Variants in COPE observed in about 807,000 individuals in gnomAD.
The protein encoded by COPE is coatomer subunit epsilon.
Under a neutral mutation model 42.1 loss-of-function variants are expected in COPE, and 19 were observed. That is an observed-to-expected ratio of 0.45 (90% CI 0.31 to 0.66). The LOEUF (loss-of-function observed/expected upper bound fraction) is 0.66. Ranked by LOEUF, COPE falls within the 30% of genes least tolerant of loss-of-function variation. COPE has a pLI of 0.05. For missense variants in COPE, 402 were observed against 416.1 expected, an observed-to-expected ratio of 0.97 and a Z score of 0.30; for synonymous variants, 195 against 181.3, an observed-to-expected ratio of 1.08 and a Z score of -0.60.
intron 7 of COPE, among the ~76,000 whole-genome samples, chr19:18,902,390 C>T (rs934173873): frequency 2.4e-4 from 36 of 151,234 alleles, no homozygotes; most frequent in African/African-American, 4.6e-4. Context: ...GATGGCCAGG[C>T]GTGGTGGCTC....
At chr19:18,904,273 C>T (rs1397129880) in intron 6 of COPE, among the ~76,000 whole-genome samples, 3 of 152,226 alleles carry the variant, frequency 2.0e-5, no homozygotes, top group Non-Finnish European at 2.9e-5. Context: ...CCAGGAAGCA[C>T]ATTTTAATAG....
At chr19:18,915,001 C>T (rs550136191) in intron 1 of COPE, among the ~76,000 whole-genome samples, 7 of 151,990 alleles carry the variant, frequency 4.6e-5, no homozygotes, top group Non-Finnish European at 1.0e-4. Context: ...GCTGGGATTA[C>T]AGGCATGAGC....
chr19:18,911,235 C>T (rs1036869556), intron 2 of COPE, 164 bp from the exon 3 acceptor site: 10 of 632,830 alleles, frequency 1.6e-5, no homozygotes, highest in African/African-American at 1.4e-4. Context: ...GGTGGCATGG[C>T]GTCACCTGTC....
At chr19:18,906,664 G>A (rs1239490950) in intron 4 of COPE, 4 of 297,174 alleles carry the variant, frequency 1.3e-5, no homozygotes, top group Admixed American at 5.2e-5. Context: ...AGAAGGCTTC[G>A]TGGGGGGTGG....
intron 7 of COPE, 152 bp from the exon 8 acceptor site, chr19:18,900,601 T>C: frequency 1.7e-6 from 1 of 602,214 alleles, no homozygotes; most frequent in Non-Finnish European, 3.0e-6. Context: ...GGTGGAGATC[T>C]CAGATGATAC....
In COPE at chr19:18,904,816, A is replaced by G. The variant is rs753371459; in HGVS notation, c.534T>C (p.Asp178=). 30 of 1,555,694 alleles carry G rather than the reference A, an allele frequency of 1.9e-5. No homozygotes were observed. The highest frequency in any genetic ancestry group is 2.6e-5 in the Non-Finnish European group (30 of 1,149,332). The change falls in exon 6 of 10, where the codon GAT becomes GAC. Residue 178 remains aspartate, a synonymous_variant. Transcript: ENST00000262812. The part of the protein sequence containing the change: ...ELKRMQDLDE[D]ATLTQLATAW... ...CAGTGGCGAGCTGGGTGAGGGTGGC[A>G]TCCTCGTCCAGGTCCTGCATTCTCT...
At chr19:18,914,491 A>C (rs2056837509) in intron 1 of COPE, among the ~76,000 whole-genome samples, 1 of 152,002 alleles carries the variant, frequency 6.6e-6, no homozygotes, top group African/African-American at 2.4e-5. Flanking sequence ...TAGTAAGCCG[A>C]GATCACGCCA....
chr19:18,918,059 G>A (rs1204730948), intron 1 of COPE, among the ~76,000 whole-genome samples: 1 of 151,540 alleles, frequency 6.6e-6, no homozygotes, highest in Admixed American at 6.6e-5. Flanking sequence ...CCATGGTGGC[G>A]CGCGCCTGTA....
chr19:18,909,519 CTTTT>C (rs59105113), intron 3 of COPE, among the ~76,000 whole-genome samples: 10 of 133,820 alleles, frequency 7.5e-5, no homozygotes, highest in Non-Finnish European at 1.1e-4. Flanking sequence ...GGCCTCTTTC[CTTTT>C]TTTTTTTTTT....
At chr19:18,916,944 CAAAAAAAAAAAA>C (rs34497308) in intron 1 of COPE, among the ~76,000 whole-genome samples, 5 of 68,670 alleles carry the variant, frequency 7.3e-5, no homozygotes, top group Admixed American at 3.7e-4. Flanking sequence ...GATCCTGTCT[CAAAAAAAAAAAA>C]AAAAAAAAAA....
At chr19:18,902,753 AAGG>A (rs1352653458) in intron 7 of COPE, among the ~76,000 whole-genome samples, 4 of 50,672 alleles carry the variant, frequency 7.9e-5, no homozygotes, top group African/African-American at 6.1e-4. Flanking sequence ...GAAGGAAAGG[AAGG>A]AAGGAAGGAA....
intron 2 of COPE, chr19:18,911,290 T>C (rs955812425): frequency 1.8e-6 from 1 of 570,360 alleles, no homozygotes; most frequent in African/African-American, 1.9e-5. Flanking sequence ...ACACTGCCCA[T>C]GCCTTGAGCT....
intron 7 of COPE, among the ~76,000 whole-genome samples, chr19:18,902,757 AAGGAAGGAAGGGAAAGAAGG>A (rs1435166659): frequency 1.0e-4 from 4 of 39,054 alleles, no homozygotes; most frequent in African/African-American, 3.3e-4. Flanking sequence ...GAAAGGAAGG[AAGGAAGGAAGGGAAAGAAGG>A]AAGGAAGGAA....
intron 1 of COPE, among the ~76,000 whole-genome samples, chr19:18,913,306 T>A (rs1297383872): frequency 1.3e-5 from 2 of 152,208 alleles, no homozygotes; most frequent in Non-Finnish European, 2.9e-5. Context: ...TCTGCCCCAG[T>A]CACACTTAAG....
intron 3 of COPE, among the ~76,000 whole-genome samples, chr19:18,907,338 G>A (rs897304513): frequency 6.6e-6 from 1 of 152,184 alleles, no homozygotes; most frequent in African/African-American, 2.4e-5. Context: ...GAGATGTGGG[G>A]TGGGGCGCTC....
intron 3 of COPE, 177 bp downstream of exon 3, chr19:18,910,794 A>G (rs892346195): frequency 3.2e-6 from 2 of 620,650 alleles, no homozygotes; most frequent in Middle Eastern, 4.2e-4. Context: ...CCAGCCCCCC[A>G]CTGCTGTGCA....
intron 3 of COPE, among the ~76,000 whole-genome samples, chr19:18,910,394 T>C (rs545346117): frequency 1.3e-5 from 2 of 152,312 alleles, no homozygotes; most frequent in Admixed American, 6.5e-5. Context: ...GAGACCACCC[T>C]GGGCAACACG....
In COPE at chr19:18,899,600, G is replaced by C. The variant is rs1478534549; in HGVS notation, c.*79C>G. 2 of 1,515,046 alleles carry C rather than the reference G, an allele frequency of 1.3e-6. No individual in the cohort carries two copies. Among genetic ancestry groups the C allele is most frequent in the African/African-American group, 1.4e-5 (1 of 72,898 alleles). 93.9% of individuals were successfully genotyped at this position (1,515,046 alleles called of 1,614,324 possible). A position where few individuals can be genotyped will look rare whatever the true frequency, so the allele number is the denominator to read the frequency against. On this transcript the variant is annotated 3_prime_UTR_variant, in exon 10 of 10. Coordinates refer to ENST00000262812, the MANE Select transcript of COPE (RefSeq NM_007263.4). ...CCTGCCCCCAGAGGGGATGCAGGTG[G>C]ATGCCGGGTGGGGAGGGCTGCAGGG...
chr19:18,913,598 G>A (rs1037550807), intron 1 of COPE, among the ~76,000 whole-genome samples: 5 of 79,960 alleles, frequency 6.3e-5, no homozygotes, highest in African/African-American at 4.6e-4. Context: ...CCAGGCCAGG[G>A]AGGGAGGCTG....
Sources: allele counts gnomAD v4.1 joint callset (sites outside exome capture counted in the v4.1 genomes callset), GRCh38; gene constraint gnomAD v4.1.1; transcripts MANE v1.5; gene names NCBI Gene and HGNC (gene_info 2026-07-23, HGNC 2026-07-21).